The following CIBAR2 variants were observed in gnomAD, a reference collection of about 807,000 sequenced individuals.
CIBAR2 encodes CBY1 interacting BAR domain containing 2, also known as CBY1-interacting BAR domain-containing protein 2.
In CIBAR2, 38 loss-of-function variants were observed where a neutral mutation model predicts 36.2. The observed-to-expected ratio is 1.05, with a 90% CI of 0.81 to 1.38. The LOEUF is 1.38. Ranked by LOEUF, CIBAR2 falls within the 40% of genes most tolerant of loss-of-function variation. The pLI is 0.00. For synonymous variants in CIBAR2, 182 were observed against 149.5 expected (o/e 1.22, Z -1.58); for missense variants, 481 against 383.4 (o/e 1.25, Z -2.13).
At chr16:85,099,634 T>G (rs2073938639) in intron 8 of CIBAR2, among the ~76,000 whole-genome samples, 2 of 151,042 alleles carry the variant, frequency 1.3e-5, no homozygotes, top group Non-Finnish European at 3.0e-5. Flanking sequence ...TTTTTTTTTT[T>G]TTTTCCTGAG....
At position 85,107,699 on chromosome 16, in the gene CIBAR2, A is replaced by C. The variant is rs535670158; in HGVS notation, c.427-27T>G. 1.1e-5 allele frequency: 18 copies of C among 1,613,958 alleles called. No homozygotes were observed. In the African/African-American group the frequency reaches 2.0e-4, roughly 18 times the overall value. On this transcript the variant is annotated intron_variant, in intron 4 of 8. Coordinates refer to ENST00000539556, the MANE Select transcript of CIBAR2 (RefSeq NM_198491.3). ...TGAAAAACGTGCTGTTAAGGAACCAAGTTAAGCCCAGGCAGCCCCGTTGGG... is the reference window on the plus strand; with the variant it reads ...TGAAAAACGTGCTGTTAAGGAACCACGTTAAGCCCAGGCAGCCCCGTTGGG...
At chr16:85,111,518 A>G (rs1459510699) in intron 1 of CIBAR2, among the ~76,000 whole-genome samples, 2 of 152,118 alleles carry the variant, frequency 1.3e-5, no homozygotes, top group Non-Finnish European at 2.9e-5. Flanking sequence ...GTGCACCAGA[A>G]TCCCTGGGAG....
rs200584839 is a variant in CIBAR2, at chr16:85,102,331, T to C, written c.538-4A>G. 848 of 1,574,056 alleles carry C rather than the reference T, an allele frequency of 5.4e-4. No homozygotes were observed. Among genetic ancestry groups the C allele is most frequent in the Non-Finnish European group, 5.3e-4 (610 of 1,143,780 alleles). ...TTACAAAGTCACAAAAAAATTTCTG[T>C]GGGGAGAGAAACCCAAAGAATGTAA... On this transcript the variant is annotated splice_polypyrimidine_tract_variant and splice_region_variant and intron_variant, in intron 6 of 8. Transcript: ENST00000539556.
chr16:85,111,051 G>A (rs59542409), intron 1 of CIBAR2, among the ~76,000 whole-genome samples: 19,443 of 152,004 alleles, frequency 0.13, 1,278 homozygotes, highest in Middle Eastern at 0.17. Context: ...CCTGCAGCAG[G>A]TGCGCGATGA....
Position 85,098,918 on chromosome 16 carries a change from G to T in CIBAR2, c.*267C>A. The stretch of plus-strand genomic sequence containing the variant: ...AAGGTCACACCGCCGGGAGCAGTGG[G>T]CTCGGACCAAGAAATAGATAGCATA... On this transcript the variant is annotated 3_prime_UTR_variant, in exon 9 of 9. Transcript: ENST00000539556. 3.1e-6 allele frequency: 1 copy of T among 324,462 alleles called. No homozygotes were observed. The highest frequency in any genetic ancestry group is 5.3e-6 in the Non-Finnish European group (1 of 187,348). The allele number at this position is 324,462 out of a possible 1,614,324, so 20.1% of individuals were successfully genotyped here. A position where few individuals can be genotyped will look rare whatever the true frequency, so the allele number is the denominator to read the frequency against.
At chr16:85,106,077 A>T (rs2073993810) in intron 5 of CIBAR2, among the ~76,000 whole-genome samples, 1 of 152,212 alleles carries the variant, frequency 6.6e-6, no homozygotes, top group Non-Finnish European at 1.5e-5. Flanking sequence ...GGGGGCTGGC[A>T]TCTAGGAAGC....
chr16:85,100,416 G>A (rs553572086), intron 7 of CIBAR2, among the ~76,000 whole-genome samples, 176 bp from the exon 8 acceptor site: 9 of 152,236 alleles, frequency 5.9e-5, no homozygotes, highest in South Asian at 2.1e-4. Context: ...ACAGCAGCCC[G>A]GTGAGTGGGC....
chr16:85,100,148 G>A lies in CIBAR2; in HGVS notation c.744C>T (p.Leu248=), dbSNP rs752863344. The change falls in exon 8 of 9, where the codon CTC becomes CTT. Residue 248 remains leucine, a synonymous_variant. Transcript: ENST00000539556. The part of the protein sequence containing the change: ...TSPPPSVLQS[L]ASQGTLQVQL... The stretch of plus-strand genomic sequence containing the variant: ...CCACCCACACGCTCACCTGGCTGGC[G>A]AGAGACTGAAGAACAGATGGAGGGG... 3.7e-5 allele frequency: 59 copies of A among 1,609,600 alleles called. No individual in the cohort carries two copies. The highest frequency in any genetic ancestry group is 3.1e-4 in the South Asian group (28 of 89,698).
chr16:85,102,118 G>A (rs2073959999), intron 7 of CIBAR2, 96 bp downstream of exon 7: 1 of 715,616 alleles, frequency 1.4e-6, no homozygotes, highest in Admixed American at 2.4e-5. Context: ...GAAAAGTTGT[G>A]AAATGTTACC....
At chr16:85,104,576 C>T (rs1451266745) in intron 6 of CIBAR2, among the ~76,000 whole-genome samples, 2 of 152,076 alleles carry the variant, frequency 1.3e-5, no homozygotes, top group Non-Finnish European at 2.9e-5. Context: ...ATTAGCTGGG[C>T]GTGGTGGTAC....
chr16:85,110,341 T>C lies in CIBAR2; in HGVS notation c.140A>G (p.Asp47Gly). The C allele has an allele frequency of 6.2e-7, 1 of 1,613,118 alleles. No homozygotes were observed. Residue 47 changes from aspartate to glycine, a missense_variant, in exon 2 of 9, where the codon GAC becomes GGC. Physicochemically the swap from Asp to Gly is moderately conservative, Grantham distance 94. Transcript: ENST00000539556. ...RKTARLRDKA[D>G]QLVKQLIDFA... is the part of the protein sequence containing the mutation. ...GTCGATGAGCTGCTTGACCAGCTGG[T>C]CCGCCTTGTCCCGCAGCCGGGCCGT...
chr16:85,100,526 C>T (rs542708206), intron 7 of CIBAR2, among the ~76,000 whole-genome samples: 1 of 151,968 alleles, frequency 6.6e-6, no homozygotes, highest in African/African-American at 2.4e-5. Flanking sequence ...CCCCTTTCCC[C>T]TAAAAAGAAT....
Position 85,102,322 on chromosome 16 carries a change from A to G in CIBAR2, c.543T>C (p.Phe181=), listed in dbSNP as rs1427715186. The part of the protein sequence containing the change: ...QRQKLKDLQK[F]FCDFVTIEMV... The stretch of plus-strand genomic sequence containing the variant: ...TCTCAATAGTTACAAAGTCACAAAA[A>G]AATTTCTGTGGGGAGAGAAACCCAA... Residue 181 remains phenylalanine, a synonymous_variant, in exon 7 of 9, where the codon TTT becomes TTC. Coordinates refer to ENST00000539556, the MANE Select transcript of CIBAR2 (RefSeq NM_198491.3). The G allele has an allele frequency of 8.1e-6, 13 of 1,604,566 alleles. No individual in the cohort carries two copies. Among genetic ancestry groups the G allele is most frequent in the African/African-American group, 1.3e-5 (1 of 74,716 alleles).
At chr16:85,105,039 G>T (rs1286826783) in intron 6 of CIBAR2, among the ~76,000 whole-genome samples, 1 of 152,250 alleles carries the variant, frequency 6.6e-6, no homozygotes, top group Non-Finnish European at 1.5e-5. Flanking sequence ...TGTGTGTGGA[G>T]GCAGACAAAC....
intron 7 of CIBAR2, among the ~76,000 whole-genome samples, chr16:85,101,008 T>G (rs927668878): frequency 9.3e-5 from 14 of 150,540 alleles, no homozygotes; most frequent in African/African-American, 2.7e-4. Context: ...ATAGTGCCAC[T>G]GCACTCCAGC....
At position 85,102,314 on chromosome 16, in the gene CIBAR2, T is replaced by C. The variant is rs563398420; in HGVS notation, c.551A>G (p.Asp184Gly). ...GAAAACCATCTCAATAGTTACAAAG[T>C]CACAAAAAAATTTCTGTGGGGAGAG... is the stretch of plus-strand genomic sequence containing the variant. ...KLKDLQKFFC[D>G]FVTIEMVFHA... The change falls in exon 7 of 9, where the codon GAC becomes GGC. Residue 184 changes from aspartate (D) to glycine (G), a missense_variant. Asp to Gly is a moderately conservative substitution (Grantham distance 94). Coordinates refer to ENST00000539556, the MANE Select transcript of CIBAR2 (RefSeq NM_198491.3). 1 of 1,610,652 alleles carries C rather than the reference T, an allele frequency of 6.2e-7. No homozygotes were observed. Among genetic ancestry groups the C allele is most frequent in the South Asian group, 1.1e-5 (1 of 90,988 alleles).
chr16:85,102,174 C>G (rs766383400), intron 7 of CIBAR2, 40 bp downstream of exon 7: 35 of 1,119,498 alleles, frequency 3.1e-5, no homozygotes, highest in South Asian at 5.2e-5. Flanking sequence ...GAAACTCTGC[C>G]CCACTCCACC....
intron 6 of CIBAR2, among the ~76,000 whole-genome samples, chr16:85,104,514 C>A (rs1211929783): frequency 6.6e-6 from 1 of 152,124 alleles, no homozygotes; most frequent in East Asian, 1.9e-4. Flanking sequence ...TCGAGACCAG[C>A]CTGGCCAACA....
intron 7 of CIBAR2, among the ~76,000 whole-genome samples, chr16:85,100,780 G>C (rs145580016): frequency 6.6e-6 from 1 of 152,208 alleles, no homozygotes; most frequent in Non-Finnish European, 1.5e-5. Context: ...GGGCGCGGTG[G>C]CTCACACCTG....
Sources: gnomAD v4.1 joint callset for allele counts (sites outside exome capture counted in the v4.1 genomes callset) on GRCh38, gnomAD v4.1.1 for gene constraint, MANE v1.5 for transcripts, NCBI Gene and HGNC (gene_info 2026-07-23, HGNC 2026-07-21) for gene names.